The following CDH18 variants were observed in gnomAD, a reference collection of about 807,000 sequenced individuals.
The protein encoded by CDH18 is cadherin 18, also known as cadherin-18.
Under a neutral mutation model 67.9 loss-of-function variants are expected in CDH18, and 31 were observed. That is an observed-to-expected ratio of 0.46 (90% CI 0.34 to 0.62). The LOEUF (loss-of-function observed/expected upper bound fraction) is 0.62, where lower values mean the gene tolerates loss of function less well. Among genes scored for constraint, CDH18 ranks in the 20% least tolerant of loss-of-function variants. The pLI is 0.01. For synonymous variants in CDH18, 362 were observed against 347.2 expected (o/e 1.04, Z -0.48); for missense variants, 890 against 975.5 (o/e 0.91, Z 1.17).
At chr5:20,400,650 T>C (rs1294226562) in intron 1 of CDH18, among the ~76,000 whole-genome samples, 1 of 150,158 alleles carries the variant, frequency 6.7e-6, no homozygotes, top group Admixed American at 6.6e-5. Flanking sequence ...TAATCCCAGC[T>C]GCTCAGGAGG....
At chr5:19,477,508 T>G (rs1738685811) in intron 12 of CDH18, among the ~76,000 whole-genome samples, 1 of 152,100 alleles carries the variant, frequency 6.6e-6, no homozygotes, top group Admixed American at 6.6e-5. Context: ...TTTTAAAAAT[T>G]AGCTTATGGT....
At chr5:20,502,884 T>C (rs909090983) in intron 1 of CDH18, among the ~76,000 whole-genome samples, 3 of 152,138 alleles carry the variant, frequency 2.0e-5, no homozygotes, top group African/African-American at 7.2e-5. Context: ...TAAGTGATCT[T>C]AGAAATGTCA....
At chr5:20,276,878 C>T (rs1216194163) in intron 1 of CDH18, among the ~76,000 whole-genome samples, 1 of 152,056 alleles carries the variant, frequency 6.6e-6, no homozygotes, top group Non-Finnish European at 1.5e-5. Flanking sequence ...AGTAGCCAGG[C>T]AGTACTGGCC....
chr5:19,846,704 C>A (rs1453002460), intron 2 of CDH18, among the ~76,000 whole-genome samples: 1 of 152,020 alleles, frequency 6.6e-6, no homozygotes, highest in Non-Finnish European at 1.5e-5. Context: ...AACTGAACTT[C>A]CATATATACT....
chr5:19,584,037 C>A (rs945080808), intron 7 of CDH18, among the ~76,000 whole-genome samples: 2 of 152,084 alleles, frequency 1.3e-5, no homozygotes, highest in Non-Finnish European at 2.9e-5. Context: ...ATATTTGGAT[C>A]CACTTCTGTA....
chr5:19,901,749 A>C (rs1187933250), intron 2 of CDH18, among the ~76,000 whole-genome samples: 1 of 151,984 alleles, frequency 6.6e-6, no homozygotes, highest in African/African-American at 2.4e-5. Flanking sequence ...CTCAATATTT[A>C]TATTTTCCAT....
chr5:19,858,979 T>C (rs1451346515), intron 2 of CDH18, among the ~76,000 whole-genome samples: 1 of 152,084 alleles, frequency 6.6e-6, no homozygotes, highest in East Asian at 1.9e-4. Context: ...AAAAAAACTA[T>C]TTTATTGAGA....
chr5:19,594,558 C>T (rs529867646), intron 6 of CDH18, among the ~76,000 whole-genome samples: 1 of 152,198 alleles, frequency 6.6e-6, no homozygotes, highest in African/African-American at 2.4e-5. Flanking sequence ...CTCTGTTCCA[C>T]TGGCCTACAT....
intron 8 of CDH18, among the ~76,000 whole-genome samples, chr5:19,547,435 A>G (rs540639430): frequency 1.3e-5 from 2 of 152,318 alleles, no homozygotes; most frequent in South Asian, 2.1e-4. Flanking sequence ...ATAGATCCCT[A>G]TGAAATATGG....
intron 2 of CDH18, among the ~76,000 whole-genome samples, chr5:20,250,713 A>G (rs567238609): frequency 1.6e-5 from 2 of 128,042 alleles, no homozygotes; most frequent in South Asian, 4.9e-4. Context: ...CAAGAACGCT[A>G]TTTTACCTCA....
At chr5:20,147,196 C>T (rs1280204053) in intron 2 of CDH18, among the ~76,000 whole-genome samples, 1 of 152,028 alleles carries the variant, frequency 6.6e-6, no homozygotes, top group Non-Finnish European at 1.5e-5. Context: ...GTTTAATTTG[C>T]ATATTTTGTA....
rs1242555883 is a variant in CDH18 at position 20,095,746 on chromosome 5, G to A, written c.-517-103732C>T. On this transcript the variant is annotated intron_variant, in intron 2 of 14. Coordinates refer to the CDH18 transcript ENST00000507958. Reference sequence around the variant, plus strand: ...ACGATCAAAATTTTACTTTGATACCGAAGTTATAAGCTACAGACTTAAAAA... The same window carrying A: ...ACGATCAAAATTTTACTTTGATACCAAAGTTATAAGCTACAGACTTAAAAA... Among the ~76,000 whole-genome samples the A allele has an allele frequency of 3.3e-5, 5 of 151,260 alleles. No individual in the cohort carries two copies. The South Asian group carries it at 1.0e-3, about 31-fold the overall frequency.
chr5:20,494,535 GA>G (rs1359736167), intron 1 of CDH18, among the ~76,000 whole-genome samples: 7 of 151,848 alleles, frequency 4.6e-5, no homozygotes, highest in Non-Finnish European at 8.8e-5. Flanking sequence ...TAAGCACATT[GA>G]AAAAAAGAAA....
chr5:20,235,479 C>T (rs975878098), intron 2 of CDH18, among the ~76,000 whole-genome samples: 10 of 152,196 alleles, frequency 6.6e-5, no homozygotes, highest in African/African-American at 1.9e-4. Context: ...ATGACAAACA[C>T]GTCTCAAAAG....
At chr5:19,932,820 A>C (rs974550033) in intron 2 of CDH18, among the ~76,000 whole-genome samples, 1 of 151,440 alleles carries the variant, frequency 6.6e-6, no homozygotes, top group African/African-American at 2.4e-5. Flanking sequence ...CTCTTTACAT[A>C]CCTAGATATA....
At chr5:20,289,279 G>T (rs1268271222) in intron 1 of CDH18, among the ~76,000 whole-genome samples, 3 of 151,940 alleles carry the variant, frequency 2.0e-5, no homozygotes, top group Non-Finnish European at 4.4e-5. Flanking sequence ...ATTATGAAAT[G>T]ACAGTTGTTA....
intron 6 of CDH18, among the ~76,000 whole-genome samples, chr5:19,600,929 T>C (rs1747022763): frequency 6.6e-6 from 1 of 152,232 alleles, no homozygotes; most frequent in African/African-American, 2.4e-5. Flanking sequence ...CCAGAGTTTT[T>C]ATAAGTTTAG....
At chr5:19,796,380 A>T (rs1776855223) in intron 3 of CDH18, among the ~76,000 whole-genome samples, 1 of 152,154 alleles carries the variant, frequency 6.6e-6, no homozygotes, top group Non-Finnish European at 1.5e-5. Flanking sequence ...ATGACAGTAG[A>T]TTTCGCATGT....
At chr5:19,671,829 A>T (rs1039515535) in intron 5 of CDH18, among the ~76,000 whole-genome samples, 9 of 152,104 alleles carry the variant, frequency 5.9e-5, no homozygotes, top group Non-Finnish European at 1.0e-4. Context: ...CATCTAGCCC[A>T]ATTCATAAGG....
Sources: gnomAD v4.1 joint callset for allele counts (sites outside exome capture counted in the v4.1 genomes callset) on GRCh38, gnomAD v4.1.1 for gene constraint, MANE v1.5 for transcripts, NCBI Gene and HGNC (gene_info 2026-07-23, HGNC 2026-07-21) for gene names.